Variants in LIMS1 observed in about 807,000 individuals in gnomAD.
LIMS1 encodes the protein LIM and senescent cell antigen-like-containing domain protein 1.
LIMS1 carries 18 observed loss-of-function variants against 44.1 expected under a neutral mutation model. The ratio of observed to expected loss-of-function variants is 0.41; its 90% CI spans 0.28 to 0.61. The LOEUF (loss-of-function observed/expected upper bound fraction) is 0.61. Ranked by LOEUF, LIMS1 falls within the 20% of genes least tolerant of loss-of-function variation. The pLI is 0.32. For synonymous variants in LIMS1, 93 were observed against 149.1 expected, an observed-to-expected ratio of 0.62 and a Z score of 2.74; for missense variants, 201 against 422.0, an observed-to-expected ratio of 0.48 and a Z score of 4.59.
At chr2:108,582,389 A>G (rs11901690) in intron 1 of LIMS1, among the ~76,000 whole-genome samples, 1,857 of 152,362 alleles carry the variant, frequency 0.012, 45 homozygotes, top group African/African-American at 0.043. Flanking sequence ...TAAAAACGTA[A>G]GAAAGAAAAA....
At chr2:108,615,103 T>C (rs1184940200) in intron 1 of LIMS1, among the ~76,000 whole-genome samples, 1 of 56,468 alleles carries the variant, frequency 1.8e-5, no homozygotes, top group Non-Finnish European at 4.8e-5. Context: ...GTATAGTTGG[T>C]GGTCAGGCAG....
chr2:108,660,828 A>G (rs867293205), intron 2 of LIMS1: 1 of 161,822 alleles, frequency 6.2e-6, no homozygotes. Flanking sequence ...TGTGTGTGTT[A>G]GATCAAATAG....
At chr2:108,579,986 T>G (rs1477651763) in intron 1 of LIMS1, among the ~76,000 whole-genome samples, 1 of 152,174 alleles carries the variant, frequency 6.6e-6, no homozygotes, top group Non-Finnish European at 1.5e-5. Context: ...GGGCTGGAGC[T>G]GGGGGATGCC....
At chr2:108,611,918 TAA>T (rs1318272668) in intron 1 of LIMS1, among the ~76,000 whole-genome samples, 2 of 77,948 alleles carry the variant, frequency 2.6e-5, no homozygotes, top group Non-Finnish European at 5.7e-5. Context: ...TACACACATA[TAA>T]AATATATATA....
intron 1 of LIMS1, among the ~76,000 whole-genome samples, chr2:108,595,828 AAC>A (rs1267977869): frequency 6.6e-6 from 1 of 152,188 alleles, no homozygotes; most frequent in Non-Finnish European, 1.5e-5. Context: ...TGTGGTAAAA[AAC>A]ACATAAAATC....
At chr2:108,682,415 G>A (rs1245128059) in intron 9 of LIMS1, among the ~76,000 whole-genome samples, 10 of 152,210 alleles carry the variant, frequency 6.6e-5, no homozygotes, top group Non-Finnish European at 1.0e-4. Flanking sequence ...CAGGAGAATC[G>A]CTTGAACCTG....
chr2:108,677,857 C>G (rs1300929411), intron 7 of LIMS1, 122 bp from the exon 8 acceptor site: 61 of 1,474,366 alleles, frequency 4.1e-5, no homozygotes, highest in Non-Finnish European at 5.4e-5. Flanking sequence ...TGTCAAAGAA[C>G]TTTTACTAAA....
intron 1 of LIMS1, among the ~76,000 whole-genome samples, chr2:108,634,128 G>A (rs1689082671): frequency 1.3e-5 from 2 of 152,216 alleles, no homozygotes; most frequent in African/African-American, 2.4e-5. Flanking sequence ...AGCAGGCTGG[G>A]CAAAGCTCAA....
intron 1 of LIMS1, among the ~76,000 whole-genome samples, chr2:108,637,968 A>C (rs1689391732): frequency 1.3e-5 from 2 of 151,232 alleles, no homozygotes; most frequent in Admixed American, 1.3e-4. Context: ...CGATCCTCCT[A>C]CCTCAGCCTC....
intron 1 of LIMS1, among the ~76,000 whole-genome samples, chr2:108,582,861 A>G (rs1277482304): frequency 1.3e-5 from 2 of 152,168 alleles, no homozygotes; most frequent in Admixed American, 6.5e-5. Flanking sequence ...ATGAAATTAT[A>G]AATTGAGTGA....
intron 1 of LIMS1, among the ~76,000 whole-genome samples, chr2:108,585,608 G>T (rs566177591): frequency 3.9e-5 from 6 of 152,098 alleles, no homozygotes; most frequent in Non-Finnish European, 8.8e-5. Context: ...GAGAATGTGC[G>T]CAATGAGAGG....
At chr2:108,668,499 A>T (rs1443048135) in intron 2 of LIMS1, among the ~76,000 whole-genome samples, 1 of 152,218 alleles carries the variant, frequency 6.6e-6, no homozygotes, top group Non-Finnish European at 1.5e-5. Context: ...CACTTAATGT[A>T]ATGTCCTACA....
At chr2:108,610,149 TG>T (rs1393230761) in intron 1 of LIMS1, among the ~76,000 whole-genome samples, 1 of 1,362 alleles carries the variant, frequency 7.3e-4, no homozygotes, top group African/African-American at 3.3e-3. Context: ...TTACAAAAAA[TG>T]TGTGTGTGTG....
At position 108,565,427 on chromosome 2, in the gene LIMS1, CTT is replaced by C. The variant is rs555548492; in HGVS notation, c.32+30834_32+30835del. Among the ~76,000 whole-genome samples the C allele has an allele frequency of 1.1e-3, 166 of 152,202 alleles. 3 individuals are homozygous for C. Among genetic ancestry groups the C allele is most frequent in the African/African-American group, 3.9e-3 (162 of 41,510 alleles). ...TTAGTTGGAGTAAGAAATAAAGTAA[CTT>C]AAACTGCATTATGAATTAGAGTTAT... On this transcript the variant is annotated intron_variant, in intron 1 of 9. Transcript: ENST00000544547.
At chr2:108,673,366 G>T (rs1692270752) in intron 5 of LIMS1, 1 of 356,354 alleles carries the variant, frequency 2.8e-6, no homozygotes, top group Non-Finnish European at 5.1e-6. Context: ...TTTTCCTATG[G>T]AACCACGATA....
intron 1 of LIMS1, among the ~76,000 whole-genome samples, chr2:108,593,431 CTTG>C (rs1686508512): frequency 2.0e-5 from 3 of 152,168 alleles, no homozygotes; most frequent in African/African-American, 7.2e-5. Flanking sequence ...GGGAAAAGGT[CTTG>C]CCGGAGTTAC....
chr2:108,543,066 A>T (rs1684366292), intron 1 of LIMS1, among the ~76,000 whole-genome samples: 2 of 152,246 alleles, frequency 1.3e-5, no homozygotes, highest in Admixed American at 1.3e-4. Flanking sequence ...GCTGTAATAG[A>T]GTGAAGGACA....
intron 1 of LIMS1, among the ~76,000 whole-genome samples, chr2:108,583,622 AT>A (rs1434937448): frequency 6.6e-6 from 1 of 151,970 alleles, no homozygotes; most frequent in Non-Finnish European, 1.5e-5. Context: ...CATTGAACAA[AT>A]TTTTTAAATA....
At chr2:108,558,704 T>C (rs1685012097) in intron 1 of LIMS1, among the ~76,000 whole-genome samples, 1 of 150,864 alleles carries the variant, frequency 6.6e-6, no homozygotes, top group South Asian at 2.1e-4. Context: ...GGAGTCTTAC[T>C]CTGTCACCCA....
Sources: gnomAD v4.1 joint callset for allele counts (sites outside exome capture counted in the v4.1 genomes callset) on GRCh38, gnomAD v4.1.1 for gene constraint, MANE v1.5 for transcripts, NCBI Gene and HGNC (gene_info 2026-07-23, HGNC 2026-07-21) for gene names.